Variants in EPB41L4B observed in about 807,000 individuals in gnomAD.
EPB41L4B encodes band 4.1-like protein 4B.
EPB41L4B carries 30 observed loss-of-function variants against 112.5 expected under a neutral mutation model. The observed-to-expected ratio is 0.27, with a 90% CI of 0.20 to 0.36. The LOEUF (loss-of-function observed/expected upper bound fraction) is 0.36, where lower values mean the gene tolerates loss of function less well. Ranked by LOEUF, EPB41L4B falls within the 10% of genes least tolerant of loss-of-function variation. EPB41L4B has a pLI of 1.00. For missense variants in EPB41L4B, 1,024 were observed against 1,133.3 expected (o/e 0.90, Z 1.38); for synonymous variants, 408 against 439.7 (o/e 0.93, Z 0.90).
At chr9:109,286,988 A>G (rs758991990) in intron 1 of EPB41L4B, among the ~76,000 whole-genome samples, 2 of 152,180 alleles carry the variant, frequency 1.3e-5, no homozygotes, top group East Asian at 1.9e-4. Flanking sequence ...CTGCCAACAC[A>G]TTAACTTTTC....
intron 15 of EPB41L4B, among the ~76,000 whole-genome samples, chr9:109,237,824 G>A (rs770472217): frequency 1.3e-5 from 2 of 152,082 alleles, no homozygotes; most frequent in Non-Finnish European, 2.9e-5. Flanking sequence ...TGGTTACCAG[G>A]CCACACTGGT....
chr9:109,241,229 T>C (rs1041508737), intron 15 of EPB41L4B: 31 of 987,204 alleles, frequency 3.1e-5, no homozygotes, highest in Admixed American at 6.1e-5. Context: ...ATGAGGTCAA[T>C]GAAGGGGAAA....
chr9:109,244,466 TA>T (rs1564289985), intron 14 of EPB41L4B, among the ~76,000 whole-genome samples: 11 of 78,010 alleles, frequency 1.4e-4, no homozygotes, highest in Non-Finnish European at 1.9e-4. Context: ...TTTTTTTTTT[TA>T]CAGAGTCTCA....
At chr9:109,289,916 G>C (rs1277848253) in intron 1 of EPB41L4B, among the ~76,000 whole-genome samples, 1 of 152,204 alleles carries the variant, frequency 6.6e-6, no homozygotes, top group Non-Finnish European at 1.5e-5. Context: ...ACAAGTCTCA[G>C]TTTGTTATTC....
intron 17 of EPB41L4B, among the ~76,000 whole-genome samples, 191 bp from the exon 18 acceptor site, chr9:109,208,240 C>T (rs575865355): frequency 6.6e-6 from 1 of 152,166 alleles, no homozygotes; most frequent in African/African-American, 2.4e-5. Flanking sequence ...GTCATTCCCT[C>T]GTGAAATAGG....
intron 15 of EPB41L4B, among the ~76,000 whole-genome samples, chr9:109,224,331 T>A (rs1833689983): frequency 6.6e-6 from 1 of 152,136 alleles, no homozygotes; most frequent in Admixed American, 6.5e-5. Context: ...ACATGGTCTA[T>A]CCATACAAAA....
chr9:109,278,737 T>TGCATATGGCATATGA (rs1835928397), intron 2 of EPB41L4B, among the ~76,000 whole-genome samples: 1 of 152,184 alleles, frequency 6.6e-6, no homozygotes, highest in African/African-American at 2.4e-5. Flanking sequence ...ATATGACATA[T>TGCATATGGCATATGA]CTATGTGCAC....
rs142328109 is a variant in EPB41L4B, at chr9:109,236,102, T to A, written c.1409+7516A>T. 7.0e-3 allele frequency among the ~76,000 whole-genome samples: 1,065 copies of A among 152,286 alleles called. 10 individuals are homozygous for A. Among genetic ancestry groups the A allele is most frequent in the Non-Finnish European group, 0.012 (799 of 68,024 alleles). ...GCCATTTTACTTCTGCAAACTTCCA[T>A]CTGTTTCCCAATCATGGGCTCCAGT... On this transcript the variant is annotated intron_variant, in intron 15 of 25. Coordinates refer to ENST00000374566, the MANE Select transcript of EPB41L4B (RefSeq NM_019114.5).
chr9:109,279,222 G>T (rs1276804598), intron 2 of EPB41L4B, among the ~76,000 whole-genome samples: 1 of 150,304 alleles, frequency 6.7e-6, no homozygotes, highest in African/African-American at 2.4e-5. Context: ...TTCAGACAGG[G>T]TCTTACTCTG....
chr9:109,174,217 T>C lies in EPB41L4B; in HGVS notation c.*337A>G, dbSNP rs556140415. 1 of 187,898 alleles carries C rather than the reference T, an allele frequency of 5.3e-6. No homozygotes were observed. The highest frequency in any genetic ancestry group is 2.3e-5 in the African/African-American group (1 of 43,028). 11.6% of individuals were successfully genotyped at this position (187,898 alleles called of 1,614,324 possible). ...ATCATACAAAATCAAATGGTTGAAA[T>C]TGATAGTAAAAGATCCTACATCATA... On this transcript the variant is annotated 3_prime_UTR_variant, in exon 26 of 26. Coordinates refer to ENST00000374566, the MANE Select transcript of EPB41L4B (RefSeq NM_019114.5).
intron 11 of EPB41L4B, 122 bp downstream of exon 11, chr9:109,255,389 G>C: frequency 1.8e-6 from 2 of 1,137,410 alleles, no homozygotes; most frequent in Non-Finnish European, 2.5e-6. Flanking sequence ...AAGAAACGTG[G>C]GGATGGGACA....
At chr9:109,197,662 C>T (rs964919088) in intron 20 of EPB41L4B, among the ~76,000 whole-genome samples, 2 of 151,498 alleles carry the variant, frequency 1.3e-5, no homozygotes, top group Non-Finnish European at 2.9e-5. Context: ...CTTAAAAGAG[C>T]CAGTTTGATT....
chr9:109,231,667 C>G (rs1470832092), intron 15 of EPB41L4B, among the ~76,000 whole-genome samples: 1 of 152,176 alleles, frequency 6.6e-6, no homozygotes, highest in Non-Finnish European at 1.5e-5. Context: ...GCTTCCATCT[C>G]TGAGTCTGGA....
chr9:109,221,302 G>A (rs186852885), intron 15 of EPB41L4B, among the ~76,000 whole-genome samples: 2 of 152,184 alleles, frequency 1.3e-5, no homozygotes, highest in African/African-American at 2.4e-5. Flanking sequence ...AGGATTTGAC[G>A]ACAGGTCTGT....
At chr9:109,311,630 G>A (rs1310007755) in intron 1 of EPB41L4B, among the ~76,000 whole-genome samples, 1 of 152,200 alleles carries the variant, frequency 6.6e-6, no homozygotes, top group Non-Finnish European at 1.5e-5. Flanking sequence ...ATGGTAGACA[G>A]AATCCAAATG....
At chr9:109,313,392 G>C (rs1424905287) in intron 1 of EPB41L4B, among the ~76,000 whole-genome samples, 1 of 152,078 alleles carries the variant, frequency 6.6e-6, no homozygotes, top group Non-Finnish European at 1.5e-5. Context: ...AGAGGCCACA[G>C]AGGCTGCAGA....
intron 20 of EPB41L4B, among the ~76,000 whole-genome samples, chr9:109,197,085 A>G (rs2118719459): frequency 6.6e-6 from 1 of 152,352 alleles, no homozygotes; most frequent in South Asian, 2.1e-4. Flanking sequence ...TCCCATTTAT[A>G]TTCCTTGATC....
chr9:109,239,879 T>C (rs975475145), intron 15 of EPB41L4B: 41 of 985,212 alleles, frequency 4.2e-5, no homozygotes, highest in Non-Finnish European at 4.9e-5. Flanking sequence ...ACTGAGGAAA[T>C]CCCACTGCCA....
chr9:109,301,491 G>A (rs559326708), intron 1 of EPB41L4B, among the ~76,000 whole-genome samples: 2 of 152,208 alleles, frequency 1.3e-5, no homozygotes, highest in South Asian at 4.2e-4. Context: ...GAAAGTTCCT[G>A]GGAGTCCCCT....
Sources: allele counts gnomAD v4.1 joint callset (sites outside exome capture counted in the v4.1 genomes callset), GRCh38; gene constraint gnomAD v4.1.1; transcripts MANE v1.5; gene names NCBI Gene and HGNC (gene_info 2026-07-23, HGNC 2026-07-21).